Variants in ZBTB7C observed in about 807,000 individuals in gnomAD.
The protein encoded by ZBTB7C is zinc finger and BTB domain-containing protein 7C.
In ZBTB7C, 8 loss-of-function variants were observed where a neutral mutation model predicts 25.7. That is an observed-to-expected ratio of 0.31 (90% CI 0.18 to 0.56). The LOEUF is 0.56. ZBTB7C is among the 20% of genes least tolerant of loss of function. The probability of loss-of-function intolerance (pLI) is 0.91; values close to 1 mark genes in which losing one functional copy is unlikely to be tolerated. For synonymous variants in ZBTB7C, 394 were observed against 369.0 expected, an observed-to-expected ratio of 1.07 and a Z score of -0.78; for missense variants, 824 against 855.2, an observed-to-expected ratio of 0.96 and a Z score of 0.46.
intron 2 of ZBTB7C, among the ~76,000 whole-genome samples, chr18:48,210,917 T>A (rs2042688693): frequency 6.6e-6 from 1 of 152,112 alleles, no homozygotes; most frequent in Non-Finnish European, 1.5e-5. Flanking sequence ...GAAAACAAAG[T>A]ATTCAGAGGA....
intron 3 of ZBTB7C, among the ~76,000 whole-genome samples, chr18:48,041,931 C>A (rs181184765): frequency 6.6e-6 from 1 of 152,216 alleles, no homozygotes; most frequent in African/African-American, 2.4e-5. Context: ...AAAATATCAA[C>A]CCCTGTGGTG....
intron 2 of ZBTB7C, among the ~76,000 whole-genome samples, chr18:48,267,709 T>G (rs549952705): frequency 3.0e-4 from 45 of 152,266 alleles, no homozygotes; most frequent in African/African-American, 9.9e-4. Flanking sequence ...GTCATGAGGG[T>G]GGAGCCCTCC....
intron 2 of ZBTB7C, among the ~76,000 whole-genome samples, chr18:48,228,776 C>T (rs761110409): frequency 2.6e-5 from 4 of 151,940 alleles, no homozygotes; most frequent in East Asian, 1.9e-4. Flanking sequence ...CACACACACT[C>T]GTGCTCATAC....
At chr18:48,320,926 C>T (rs2046076576) in intron 2 of ZBTB7C, among the ~76,000 whole-genome samples, 2 of 152,246 alleles carry the variant, frequency 1.3e-5, no homozygotes, top group Admixed American at 1.3e-4. Context: ...ATGCCTGCCT[C>T]CCTGAGCTCC....
chr18:48,044,413 C>T (rs2036385229), intron 3 of ZBTB7C, among the ~76,000 whole-genome samples: 2 of 152,242 alleles, frequency 1.3e-5, no homozygotes, highest in Non-Finnish European at 2.9e-5. Context: ...GTGGTGGGCA[C>T]CCAAGGGAAC....
At chr18:48,229,848 G>C (rs1175475071) in intron 2 of ZBTB7C, among the ~76,000 whole-genome samples, 2 of 152,116 alleles carry the variant, frequency 1.3e-5, no homozygotes, top group Non-Finnish European at 2.9e-5. Context: ...GCACTGAGGG[G>C]GTGGCCAAGG....
chr18:48,276,992 T>A (rs1399894017), intron 2 of ZBTB7C, among the ~76,000 whole-genome samples: 1 of 151,790 alleles, frequency 6.6e-6, no homozygotes, highest in African/African-American at 2.4e-5. Context: ...TGATTGCCAT[T>A]CTAACTGGTG....
chr18:48,042,992 A>G (rs757106206), intron 3 of ZBTB7C, among the ~76,000 whole-genome samples: 8 of 152,254 alleles, frequency 5.3e-5, no homozygotes, highest in Non-Finnish European at 1.0e-4. Flanking sequence ...GATGTTCAAT[A>G]TCATGAGCCA....
rs181119997 is a variant in ZBTB7C at position 48,130,510 on chromosome 18, C to T, written c.-17+55424G>A. ...AGAGCGTGACTGTCTTACCAAGTAA[C>T]GGCCATTTGTATGACTCTGCTAATC... On this transcript the variant is annotated intron_variant, in intron 3 of 4. Coordinates refer to ENST00000590800, the MANE Select transcript of ZBTB7C (RefSeq NM_001318841.2). Among the ~76,000 whole-genome samples, 31 of 152,242 alleles carry T rather than the reference C, an allele frequency of 2.0e-4. No homozygotes were observed. The East Asian group carries it at 4.6e-3, about 23-fold the overall frequency.
At chr18:48,404,784 C>A (rs976362577) in intron 1 of ZBTB7C, among the ~76,000 whole-genome samples, 1 of 152,230 alleles carries the variant, frequency 6.6e-6, no homozygotes, top group Admixed American at 6.5e-5. Flanking sequence ...GTCCTCCCAT[C>A]CACCCATGCC....
At chr18:48,392,401 G>T (rs1395320210) in intron 1 of ZBTB7C, among the ~76,000 whole-genome samples, 1 of 152,132 alleles carries the variant, frequency 6.6e-6, no homozygotes, top group Non-Finnish European at 1.5e-5. Flanking sequence ...ATTTAAAATT[G>T]TGGTTTCTGC....
intron 1 of ZBTB7C, among the ~76,000 whole-genome samples, chr18:48,396,554 C>G (rs1203965660): frequency 6.6e-6 from 1 of 152,146 alleles, no homozygotes; most frequent in South Asian, 2.1e-4. Context: ...TAGTTGTAAG[C>G]TAGTACTAGG....
intron 3 of ZBTB7C, among the ~76,000 whole-genome samples, chr18:48,088,700 C>G (rs144082197): frequency 0.019 from 2,841 of 151,944 alleles, 85 homozygotes; most frequent in African/African-American, 0.064. Flanking sequence ...TGTGGTGGTG[C>G]ATACCTGTAA....
chr18:48,190,999 T>C (rs190830244), intron 2 of ZBTB7C, among the ~76,000 whole-genome samples: 305 of 152,054 alleles, frequency 2.0e-3, no homozygotes, highest in African/African-American at 7.0e-3. Flanking sequence ...CTTGGGGGAG[T>C]CGTACAAATC....
At chr18:48,237,087 C>G (rs548115863) in intron 2 of ZBTB7C, among the ~76,000 whole-genome samples, 2 of 152,210 alleles carry the variant, frequency 1.3e-5, no homozygotes, top group South Asian at 4.1e-4. Flanking sequence ...AAATGCTGTC[C>G]GGAGCAGACA....
intron 1 of ZBTB7C, among the ~76,000 whole-genome samples, chr18:48,377,609 C>G (rs1431268729): frequency 6.6e-6 from 1 of 152,216 alleles, no homozygotes; most frequent in Non-Finnish European, 1.5e-5. Flanking sequence ...TCCCCAAACC[C>G]TTTTAGAACA....
chr18:48,156,721 CT>C (rs1218274746), intron 3 of ZBTB7C, among the ~76,000 whole-genome samples: 2 of 152,146 alleles, frequency 1.3e-5, no homozygotes, highest in Non-Finnish European at 2.9e-5. Context: ...ATCATTATAC[CT>C]TTTTCTCTTT....
At chr18:48,238,182 G>T (rs1201778589) in intron 2 of ZBTB7C, among the ~76,000 whole-genome samples, 1 of 152,124 alleles carries the variant, frequency 6.6e-6, no homozygotes, top group Non-Finnish European at 1.5e-5. Context: ...AAAGTGGGTG[G>T]CTTTAAGTTA....
At chr18:48,218,208 C>A (rs1185175774) in intron 2 of ZBTB7C, among the ~76,000 whole-genome samples, 1 of 152,214 alleles carries the variant, frequency 6.6e-6, no homozygotes, top group Non-Finnish European at 1.5e-5. Flanking sequence ...GCCACCCTCA[C>A]CCCAGGCCTG....
Sources: allele counts gnomAD v4.1 joint callset (sites outside exome capture counted in the v4.1 genomes callset), GRCh38; gene constraint gnomAD v4.1.1; transcripts MANE v1.5; gene names NCBI Gene and HGNC (gene_info 2026-07-23, HGNC 2026-07-21).